CNNM1: variants seen among roughly 807,000 people sequenced by gnomAD.
CNNM1 encodes the protein metal transporter CNNM1.
Under a neutral mutation model 78.8 loss-of-function variants are expected in CNNM1, and 44 were observed. That is an observed-to-expected ratio of 0.56 (90% CI 0.44 to 0.72). The LOEUF (loss-of-function observed/expected upper bound fraction) is 0.72. CNNM1 is among the 30% of genes least tolerant of loss of function. CNNM1 has a pLI of 0.00. For synonymous variants in CNNM1, 584 were observed against 581.5 expected (o/e 1.00, Z -0.06); for missense variants, 1,101 against 1,292.2 (o/e 0.85, Z 2.27).
At chr10:99,364,874 G>T (rs2031560298) in intron 5 of CNNM1, 81 bp from the exon 6 acceptor site, 20 of 1,327,516 alleles carry the variant, frequency 1.5e-5, no homozygotes, top group Non-Finnish European at 2.0e-5. Context: ...GGTGCTGGGG[G>T]TGGATAGAAG....
chr10:99,364,857 G>C (rs914856311), intron 5 of CNNM1, 98 bp from the exon 6 acceptor site: 2 of 1,163,368 alleles, frequency 1.7e-6, no homozygotes, highest in East Asian at 4.9e-5. Flanking sequence ...TTTTTACAGG[G>C]TTAATTGGTG....
In CNNM1 at chr10:99,362,244, T is replaced by C. The variant is rs1564950368; in HGVS notation, c.1876T>C (p.Ser626Pro). The stretch of plus-strand genomic sequence containing the variant: ...TCCTCTAGAAGTGGAGCCCTTTAAG[T>C]CTCTGTACCTTTCGGAGAAGATCCT... ...FMATEVEPFK[S>P]LYLSEKILLR... Residue 626 changes from serine (S) to proline (P), a missense_variant, in exon 4 of 11, where the codon TCT (serine) becomes CCT (proline). By Grantham distance (74) the Ser-to-Pro change is moderately conservative (BLOSUM62 -1). Coordinates refer to ENST00000356713, the MANE Select transcript of CNNM1 (RefSeq NM_020348.3). 1.2e-6 allele frequency: 2 copies of C among 1,612,994 alleles called. No individual in the cohort carries two copies. The highest frequency in any genetic ancestry group is 3.3e-5 in the Admixed American group (2 of 59,952).
chr10:99,332,860 T>TG (rs1326540996), intron 1 of CNNM1, among the ~76,000 whole-genome samples: 1 of 152,204 alleles, frequency 6.6e-6, no homozygotes, highest in Non-Finnish European at 1.5e-5. Flanking sequence ...CCTTAATCCT[T>TG]GCATTCATAG....
Position 99,391,638 on chromosome 10 carries a change from C to A in CNNM1, c.*122C>A. The A allele has an allele frequency of 2.6e-6, 2 of 783,298 alleles. No individual in the cohort carries two copies. Among genetic ancestry groups the A allele is most frequent in the East Asian group, 2.7e-5 (1 of 37,426 alleles). The allele number at this position is 783,298 out of a possible 1,614,324, so 48.5% of individuals were successfully genotyped here. On this transcript the variant is annotated 3_prime_UTR_variant, in exon 11 of 11. Transcript: ENST00000356713. ...GTGACAGAATGTTCTGCCTTCCCTT[C>A]CATCTCTTCACCCCTAGCTGTCAGT...
At chr10:99,359,923 CA>C (rs71009748) in intron 2 of CNNM1, among the ~76,000 whole-genome samples, 74,788 of 115,086 alleles carry the variant, frequency 0.65, 21,752 homozygotes, top group South Asian at 0.74. Context: ...TTTCCTCTAC[CA>C]AAAAAAAAAA....
At chr10:99,371,308 G>A (rs373790381) in intron 6 of CNNM1, among the ~76,000 whole-genome samples, 1 of 152,172 alleles carries the variant, frequency 6.6e-6, no homozygotes, top group Non-Finnish European at 1.5e-5. Context: ...AACCAACTTG[G>A]CAGGTGCTTT....
chr10:99,385,344 G>A (rs959763384), intron 7 of CNNM1, among the ~76,000 whole-genome samples: 1 of 151,976 alleles, frequency 6.6e-6, no homozygotes, highest in South Asian at 2.1e-4. Context: ...GTCCATAGTC[G>A]GAATTGCCTT....
intron 1 of CNNM1, among the ~76,000 whole-genome samples, chr10:99,356,228 G>A (rs1318989935): frequency 2.0e-5 from 3 of 151,974 alleles, no homozygotes; most frequent in Admixed American, 1.3e-4. Context: ...GGCCGAGGCA[G>A]GTGGATCATG....
intron 1 of CNNM1, among the ~76,000 whole-genome samples, chr10:99,346,318 G>A (rs2030694237): frequency 6.6e-6 from 1 of 152,094 alleles, no homozygotes; most frequent in African/African-American, 2.4e-5. Context: ...CTTTGAATTA[G>A]AGGAGGAAAA....
At chr10:99,360,721 C>A in intron 2 of CNNM1, 114 bp from the exon 3 acceptor site, 1 of 1,335,166 alleles carries the variant, frequency 7.5e-7, no homozygotes, top group Non-Finnish European at 1.0e-6. Context: ...ATTGTGATGT[C>A]ACCCATAGTT....
chr10:99,367,862 G>C (rs557248185), intron 6 of CNNM1, among the ~76,000 whole-genome samples: 2 of 31,340 alleles, frequency 6.4e-5, no homozygotes, highest in African/African-American at 1.5e-4. Flanking sequence ...CCACTTGAAG[G>C]GGGAGGGGCT....
intron 1 of CNNM1, among the ~76,000 whole-genome samples, chr10:99,346,324 G>GA (rs1464337516): frequency 6.6e-6 from 1 of 152,004 alleles, no homozygotes; most frequent in East Asian, 1.9e-4. Context: ...ATTAGAGGAG[G>GA]AAAAAAATCT....
rs199850081 is a variant in CNNM1, at chr10:99,387,793, C to G, written c.2341-27C>G. 124 of 1,557,686 alleles carry G rather than the reference C, an allele frequency of 8.0e-5. No individual in the cohort carries two copies. The African/African-American group carries it at 1.5e-3, about 18-fold the overall frequency. Reference sequence around the variant, plus strand: ...TCCGGGTGGTCTCTGCCTAGCTGCTCCTAAGCTCCTGCCCTCTTCCTTCCA... The same window carrying G: ...TCCGGGTGGTCTCTGCCTAGCTGCTGCTAAGCTCCTGCCCTCTTCCTTCCA... On this transcript the variant is annotated intron_variant, in intron 7 of 10. Coordinates refer to ENST00000356713, the MANE Select transcript of CNNM1 (RefSeq NM_020348.3).
Position 99,330,518 on chromosome 10 carries a change from C to A in CNNM1, c.1131C>A (p.Gly377=). 6.3e-7 allele frequency: 1 copy of A among 1,587,786 alleles called. No individual in the cohort carries two copies. Among genetic ancestry groups the A allele is most frequent in the Non-Finnish European group, 8.6e-7 (1 of 1,167,738 alleles). Residue 377 remains glycine, a synonymous_variant, in exon 1 of 11, where the codon GGC becomes GGA. Transcript: ENST00000356713. ...CCTTCCCCGTGTGCTACCCGCTGGG[C>A]CGCCTGCTGGACTGGGCGCTGCGCC... ...AAAFPVCYPL[G]RLLDWALRQE...
intron 4 of CNNM1, among the ~76,000 whole-genome samples, chr10:99,363,717 C>T (rs901007600): frequency 3.3e-5 from 5 of 150,640 alleles, no homozygotes; most frequent in African/African-American, 1.2e-4. Context: ...ATTAAACAAG[C>T]TTCACACAGA....
intron 7 of CNNM1, among the ~76,000 whole-genome samples, chr10:99,381,697 G>A (rs1196383173): frequency 2.0e-5 from 3 of 151,162 alleles, no homozygotes; most frequent in South Asian, 2.1e-4. Context: ...AGCCGAGATC[G>A]GCGCCACTGC....
At chr10:99,365,861 AT>A in intron 6 of CNNM1, among the ~76,000 whole-genome samples, 1 of 152,206 alleles carries the variant, frequency 6.6e-6, no homozygotes. Flanking sequence ...AGAGCTTGAT[AT>A]CATAGTCCCT....
intron 6 of CNNM1, 150 bp from the exon 7 acceptor site, chr10:99,376,905 C>T: frequency 1.4e-6 from 1 of 730,348 alleles, no homozygotes; most frequent in Non-Finnish European, 2.3e-6. Flanking sequence ...TGAGGCCCAT[C>T]ACCACCACCC....
At chr10:99,356,543 AGACAGACAGACAGACAGAC>A (rs2031168214) in intron 1 of CNNM1, among the ~76,000 whole-genome samples, 1 of 99,498 alleles carries the variant, frequency 1.0e-5, no homozygotes, top group African/African-American at 3.8e-5. Flanking sequence ...AAAGAAAGAC[AGACAGACAGACAGACAGAC>A]AGAAAGAAAG....
Sources: allele counts gnomAD v4.1 joint callset (sites outside exome capture counted in the v4.1 genomes callset), GRCh38; gene constraint gnomAD v4.1.1; transcripts MANE v1.5; gene names NCBI Gene and HGNC (gene_info 2026-07-23, HGNC 2026-07-21).